Variants in NAV1 observed in about 807,000 individuals in gnomAD.
The protein encoded by NAV1 is pore membrane and/or filament interacting like protein 3.
Under a neutral mutation model 175.2 loss-of-function variants are expected in NAV1, and 18 were observed. The observed-to-expected ratio is 0.10, with a 90% confidence interval of 0.07 to 0.15. NAV1 has a LOEUF of 0.15. NAV1 is among the 10% of genes least tolerant of loss of function. The pLI, the probability that NAV1 is intolerant of heterozygous loss-of-function variation, is 1.00. For synonymous variants in NAV1, 897 were observed against 978.7 expected (o/e 0.92, Z 1.56); for missense variants, 1,731 against 2,436.6 (o/e 0.71, Z 6.10).
At chr1:201,644,958 G>A (rs1053056441), upstream of NAV1, among the ~76,000 whole-genome samples, 3 of 152,130 alleles carry the variant, frequency 2.0e-5, no homozygotes, top group African/African-American at 4.8e-5. Context: ...CCTGGGGAGG[G>A]GGCATAAGGT....
intron 1 of NAV1, among the ~76,000 whole-genome samples, chr1:201,682,022 A>G (rs961671560): frequency 5.3e-5 from 8 of 150,994 alleles, no homozygotes; most frequent in African/African-American, 1.9e-4. Flanking sequence ...AGGCTGAGGC[A>G]GGAGAATTGC....
At chr1:201,731,370 A>T (rs1250147528) in intron 3 of NAV1, among the ~76,000 whole-genome samples, 2 of 152,076 alleles carry the variant, frequency 1.3e-5, no homozygotes, top group South Asian at 2.1e-4. Flanking sequence ...GCAACCAGAC[A>T]GGCACAGAGA....
chr1:201,667,536 C>A (rs576788273), intron 1 of NAV1, among the ~76,000 whole-genome samples: 27 of 152,306 alleles, frequency 1.8e-4, no homozygotes, highest in African/African-American at 5.3e-4. Flanking sequence ...CAATCCAGGT[C>A]TCCTGCCATC....
rs185516599 is a variant in NAV1, at chr1:201,664,050, G to T, written c.757+14625G>T. 1.1e-3 allele frequency among the ~76,000 whole-genome samples: 162 copies of T among 152,290 alleles called. 2 individuals carry two copies. The highest frequency in any genetic ancestry group is 4.3e-3 in the Admixed American group (66 of 15,298). ...CCTAAGTCATCGTCATTACTCTATT[G>T]GGTTCTGGGAGGGAAGATCCGGAGT... On this transcript the variant is annotated intron_variant, in intron 1 of 29. Transcript: ENST00000367296.
At chr1:201,801,911 G>C (rs1247089587) in intron 15 of NAV1, among the ~76,000 whole-genome samples, 1 of 151,662 alleles carries the variant, frequency 6.6e-6, no homozygotes, top group African/African-American at 2.4e-5. Context: ...CGAGGCAAGT[G>C]GATCACCTGA....
chr1:201,643,781 C>T (rs566306167), upstream of NAV1, among the ~76,000 whole-genome samples: 2 of 152,296 alleles, frequency 1.3e-5, no homozygotes, highest in African/African-American at 4.8e-5. Flanking sequence ...TTGGCTCTCC[C>T]TGACCCCCAG....
At chr1:201,677,250 CAAAA>C (rs3053786) in intron 1 of NAV1, among the ~76,000 whole-genome samples, 2 of 110,700 alleles carry the variant, frequency 1.8e-5, no homozygotes, top group African/African-American at 3.5e-5. Context: ...GACTCCATCT[CAAAA>C]AAAAAAAAAA....
At chr1:201,554,843 T>A (rs771757066) in intron 1 of NAV1, among the ~76,000 whole-genome samples, 28 of 152,174 alleles carry the variant, frequency 1.8e-4, no homozygotes, top group Non-Finnish European at 3.7e-4. Context: ...TTCTGGAGGG[T>A]AGAAGTCTGA....
intron 3 of NAV1, among the ~76,000 whole-genome samples, chr1:201,735,681 C>T (rs1673089158): frequency 1.3e-5 from 2 of 152,348 alleles, no homozygotes; most frequent in South Asian, 2.1e-4. Context: ...ACCTGCCTCA[C>T]CTTAGATCAC....
At chr1:201,786,441 G>A (rs1236254890) in exon 9 of NAV1, 1 of 1,613,012 alleles carries the variant, frequency 6.2e-7, no homozygotes, top group South Asian at 1.1e-5. Context: ...ACCAGCTTCA[G>A]TCCCAGGAGG....
At chr1:201,667,036 G>A (rs568819592) in intron 1 of NAV1, among the ~76,000 whole-genome samples, 3 of 151,974 alleles carry the variant, frequency 2.0e-5, no homozygotes, top group East Asian at 3.9e-4. Flanking sequence ...GAGTGTGGGC[G>A]CAGCTGAGGC....
At chr1:201,658,098 C>A (rs1383146172) in intron 1 of NAV1, among the ~76,000 whole-genome samples, 1 of 152,146 alleles carries the variant, frequency 6.6e-6, no homozygotes, top group East Asian at 1.9e-4. Context: ...TAAACTTAAC[C>A]CCTATGGTAA....
At position 201,787,757 on chromosome 1, in the gene NAV1, A is replaced by G. The variant is rs1366245588; in HGVS notation, c.2996-711A>G. ...ACCCTGAAAGGCTGTAATCCCAGCA[A>G]TGGGCAAAGGGGTAAGGCATCTGCA... On this transcript the variant is annotated intron_variant, in intron 9 of 29. Coordinates refer to ENST00000367296, the Ensembl canonical transcript of NAV1. The surrounding 1 kb of genome is among the most constrained non-coding windows in gnomAD (Gnocchi z 4.3). The G allele has an allele frequency of 8.8e-6, 4 of 455,592 alleles. No individual in the cohort carries two copies. The highest frequency in any genetic ancestry group is 6.9e-5 in the East Asian group (1 of 14,394). The allele number at this position is 455,592 out of a possible 1,614,324, so 28.2% of individuals were successfully genotyped here.
intron 1 of NAV1, among the ~76,000 whole-genome samples, chr1:201,664,923 G>A (rs1332267690): frequency 6.6e-6 from 1 of 152,074 alleles, no homozygotes; most frequent in East Asian, 1.9e-4. Context: ...TTGGGCCCAG[G>A]TGTCCTTGGG....
intron 1 of NAV1, among the ~76,000 whole-genome samples, chr1:201,573,900 T>C (rs1666618883): frequency 6.6e-6 from 1 of 151,852 alleles, no homozygotes; most frequent in Non-Finnish European, 1.5e-5. Context: ...TAAAACAATT[T>C]TAAAAATTAG....
exon 30 of NAV1, chr1:201,819,842 C>T (rs765731525): frequency 6.2e-7 from 1 of 1,614,072 alleles, no homozygotes; most frequent in East Asian, 2.2e-5. Flanking sequence ...TTTAGATGGC[C>T]ATGCTGCTGA....
chr1:201,540,970 T>C (rs1665496292), intron 1 of NAV1, among the ~76,000 whole-genome samples: 1 of 152,234 alleles, frequency 6.6e-6, no homozygotes, highest in African/African-American at 2.4e-5. Context: ...TCCTGAACTT[T>C]CCAGGTGAAA....
chr1:201,642,212 C>T lies in NAV1; in HGVS notation c.5-6422C>T, dbSNP rs575277564. ...TCCCTCCTTTCTTCCTTTCTTCCTT[C>T]CCTCCTTTCTTCCTTTCTTTCTCGG... On this transcript the variant is annotated intron_variant, in intron 2 of 29. Transcript: ENST00000367302. Among the ~76,000 whole-genome samples the T allele has an allele frequency of 5.7e-3, 775 of 134,982 alleles. 9 individuals carry two copies. The highest frequency in any genetic ancestry group is 0.023 in the African/African-American group (727 of 31,858). The allele number at this position is 134,982 out of a possible 152,430, so 88.6% of individuals were successfully genotyped here.
chr1:201,712,982 A>G lies in NAV1; in HGVS notation c.860+63A>G, dbSNP rs1671975354. ...TTCCTGGCTCTCCACCCCATTCTGG[A>G]GGGCAGGGCCCCCGGGTCCCTCCAC... On this transcript the variant is annotated intron_variant, in intron 2 of 29. Coordinates refer to ENST00000367296, the Ensembl canonical transcript of NAV1. 5 of 1,315,752 alleles carry G rather than the reference A, an allele frequency of 3.8e-6. No homozygotes were observed. In the Admixed American group the frequency reaches 8.4e-5, roughly 22 times the overall value. The allele number at this position is 1,315,752 out of a possible 1,614,324, so 81.5% of individuals were successfully genotyped here.
Sources: allele counts gnomAD v4.1 joint callset (sites outside exome capture counted in the v4.1 genomes callset), GRCh38; gene constraint gnomAD v4.1.1; non-coding constraint Gnocchi (gnomAD v3.1); transcripts MANE v1.5; gene names NCBI Gene and HGNC (gene_info 2026-07-23, HGNC 2026-07-21).